BPTF: variants seen among roughly 807,000 people sequenced by gnomAD.
BPTF encodes the protein nucleosome-remodeling factor subunit BPTF.
Under a neutral mutation model 292.5 loss-of-function variants are expected in BPTF, and 18 were observed. The ratio of observed to expected loss-of-function variants is 0.06; its 90% CI spans 0.04 to 0.09. The LOEUF (loss-of-function observed/expected upper bound fraction) is 0.09. Among genes scored for constraint, BPTF ranks in the 10% least tolerant of loss-of-function variants. The probability of loss-of-function intolerance (pLI) is 1.00; values close to 1 mark genes in which losing one functional copy is unlikely to be tolerated. For missense variants in BPTF, 2,726 were observed against 3,498.7 expected (o/e 0.78, Z 5.57); for synonymous variants, 1,225 against 1,251.9 (o/e 0.98, Z 0.45).
At chr17:67,934,673 A>G (rs1215217464) in intron 18 of BPTF, among the ~76,000 whole-genome samples, 1 of 151,706 alleles carries the variant, frequency 6.6e-6, no homozygotes, top group Non-Finnish European at 1.5e-5. Flanking sequence ...AGAGATCAAA[A>G]CCATCCTAAC....
At chr17:67,869,445 A>G (rs1440267105) in intron 3 of BPTF, among the ~76,000 whole-genome samples, 1 of 152,210 alleles carries the variant, frequency 6.6e-6, no homozygotes, top group African/African-American at 2.4e-5. Context: ...GATAAATTTC[A>G]TTATGAATTA....
chr17:67,919,215 T>TAAA (rs1491052285), intron 12 of BPTF, among the ~76,000 whole-genome samples: 16 of 122,860 alleles, frequency 1.3e-4, no homozygotes, highest in African/African-American at 5.8e-4. Context: ...ATAATAATAA[T>TAAA]AATAAAATAT....
chr17:67,976,680 T>A (rs1555694044), intron 27 of BPTF, among the ~76,000 whole-genome samples: 1 of 96,118 alleles, frequency 1.0e-5, no homozygotes, highest in Non-Finnish European at 1.9e-5. Flanking sequence ...AGTGAGACCC[T>A]GTCTCAAAAA....
chr17:67,828,075 G>GCA (rs2056277110), intron 1 of BPTF, among the ~76,000 whole-genome samples: 1 of 151,848 alleles, frequency 6.6e-6, no homozygotes, highest in South Asian at 2.1e-4. Flanking sequence ...GGGATTACAG[G>GCA]TGCCCACCAG....
At position 67,944,381 on chromosome 17, in the gene BPTF, G is replaced by T; in HGVS notation, c.6700+9G>T. ...TTCCACGACAGCAGCAGGTAGAGCT[G>T]TGGGTTTATCGGAAATGTCGGATGT... On this transcript the variant is annotated intron_variant, in intron 20 of 27. Coordinates refer to ENST00000306378, the MANE Select transcript of BPTF (RefSeq NM_182641.4). 6.2e-7 allele frequency: 1 copy of T among 1,610,984 alleles called. No homozygotes were observed. Among genetic ancestry groups the T allele is most frequent in the South Asian group, 1.1e-5 (1 of 91,048 alleles).
chr17:67,926,361 G>C (rs1326985181), intron 15 of BPTF, among the ~76,000 whole-genome samples: 2 of 108,706 alleles, frequency 1.8e-5, no homozygotes, highest in Non-Finnish European at 3.4e-5. Context: ...GTCTCACTCT[G>C]TCACCCAGGC....
At chr17:67,858,519 T>A (rs2058857051) in intron 2 of BPTF, among the ~76,000 whole-genome samples, 2 of 143,012 alleles carry the variant, frequency 1.4e-5, no homozygotes, top group South Asian at 4.3e-4. Flanking sequence ...GGCGCCACTG[T>A]ACTCCAGCCT....
intron 26 of BPTF, among the ~76,000 whole-genome samples, chr17:67,970,914 C>A (rs2068685767): frequency 6.6e-6 from 1 of 152,084 alleles, no homozygotes; most frequent in African/African-American, 2.4e-5. Context: ...CTTGTTTGTT[C>A]TAAGAAAACA....
intron 7 of BPTF, among the ~76,000 whole-genome samples, chr17:67,896,206 C>A (rs2061440029): frequency 6.6e-6 from 1 of 152,090 alleles, no homozygotes; most frequent in Non-Finnish European, 1.5e-5. Flanking sequence ...TTGTGATCCG[C>A]CCGCCTTGGC....
chr17:67,937,206 A>G (rs1343488934), intron 18 of BPTF, among the ~76,000 whole-genome samples: 2 of 152,306 alleles, frequency 1.3e-5, no homozygotes. Context: ...CTAATATACC[A>G]GCACTTTGGG....
Position 67,896,063 on chromosome 17 carries a change from C to A in BPTF, c.2543+1898C>A, listed in dbSNP as rs189612862. Among the ~76,000 whole-genome samples the A allele has an allele frequency of 3.3e-5, 5 of 151,200 alleles. No homozygotes were observed. In the East Asian group the frequency reaches 9.8e-4, roughly 30 times the overall value. On this transcript the variant is annotated intron_variant, in intron 7 of 27. Coordinates refer to ENST00000306378, the MANE Select transcript of BPTF (RefSeq NM_182641.4). ...ACTGCAGCTCCGCCTCCCGGGTTCACGCCATTCTCCTGCCTCAGCCTCCCG... is the reference window on the plus strand; with the variant it reads ...ACTGCAGCTCCGCCTCCCGGGTTCAAGCCATTCTCCTGCCTCAGCCTCCCG...
At chr17:67,969,500 T>C (rs1466541447) in intron 26 of BPTF, among the ~76,000 whole-genome samples, 14 of 150,306 alleles carry the variant, frequency 9.3e-5, no homozygotes, top group African/African-American at 3.5e-4. Context: ...TTTTGGTGTG[T>C]TCTTGTATGC....
At chr17:67,913,307 C>T (rs1386129419) in intron 11 of BPTF, 120 bp downstream of exon 11, 3 of 1,407,668 alleles carry the variant, frequency 2.1e-6, no homozygotes, top group African/African-American at 2.9e-5. Context: ...TATTAATGGC[C>T]AAAGATAGTA....
intron 3 of BPTF, 108 bp from the exon 4 acceptor site, chr17:67,874,709 A>T (rs564393861): frequency 2.9e-6 from 2 of 696,098 alleles, no homozygotes; most frequent in Middle Eastern, 4.1e-4. Context: ...AAAATACTTA[A>T]TTTTTCCTCT....
intron 7 of BPTF, among the ~76,000 whole-genome samples, chr17:67,897,555 T>C (rs2061536269): frequency 6.6e-6 from 1 of 151,942 alleles, no homozygotes; most frequent in Non-Finnish European, 1.5e-5. Flanking sequence ...GTGCCCCACC[T>C]TCCATCCCCA....
intron 3 of BPTF, among the ~76,000 whole-genome samples, chr17:67,872,531 C>A (rs1296908955): frequency 6.6e-6 from 1 of 151,964 alleles, no homozygotes; most frequent in East Asian, 1.9e-4. Context: ...CATAGTGAAA[C>A]CCCATCTTTA....
At chr17:67,978,769 C>CATT (rs2069906517) in intron 27 of BPTF, among the ~76,000 whole-genome samples, 1 of 152,036 alleles carries the variant, frequency 6.6e-6, no homozygotes, top group Admixed American at 6.6e-5. Flanking sequence ...ATGACTCATA[C>CATT]ATTAGATAAT....
Position 67,981,250 on chromosome 17 carries a change from A to G in BPTF, c.8727-1002A>G, listed in dbSNP as rs527457816. Among the ~76,000 whole-genome samples the G allele has an allele frequency of 3.9e-4, 59 of 152,350 alleles. 1 individual carries two copies. The highest frequency in any genetic ancestry group is 1.3e-3 in the African/African-American group (56 of 41,578). On this transcript the variant is annotated intron_variant, in intron 27 of 27. Transcript: ENST00000306378. ...TTTTAGGGAATTTCTATTGTTTTCC[A>G]GATTTAAGGCAGAATGAAACATAAC...
chr17:67,941,680 T>C (rs1005235230), intron 19 of BPTF, among the ~76,000 whole-genome samples: 1 of 152,144 alleles, frequency 6.6e-6, no homozygotes, highest in East Asian at 1.9e-4. Flanking sequence ...AACTGTGAAA[T>C]TGGACCATTA....
Sources: gnomAD v4.1 joint callset for allele counts (sites outside exome capture counted in the v4.1 genomes callset) on GRCh38, gnomAD v4.1.1 for gene constraint, MANE v1.5 for transcripts, NCBI Gene and HGNC (gene_info 2026-07-23, HGNC 2026-07-21) for gene names.